ATXN1: variants seen among roughly 807,000 people sequenced by gnomAD.
The protein encoded by ATXN1 is ataxin-1.
In ATXN1, 8 loss-of-function variants were observed where a neutral mutation model predicts 56.4. The ratio of observed to expected loss-of-function variants is 0.14; its 90% CI spans 0.08 to 0.26. ATXN1 has a LOEUF of 0.26. Ranked by LOEUF, ATXN1 falls within the 10% of genes least tolerant of loss-of-function variation. The pLI, the probability that ATXN1 is intolerant of heterozygous loss-of-function variation, is 1.00. For missense variants in ATXN1, 987 were observed against 1,106.5 expected, an observed-to-expected ratio of 0.89 and a Z score of 1.53; for synonymous variants, 514 against 494.6, an observed-to-expected ratio of 1.04 and a Z score of -0.52.
chr6:16,306,966 C>A lies in ATXN1; in HGVS notation c.1918-107G>T. 1 of 1,283,674 alleles carries A rather than the reference C, an allele frequency of 7.8e-7. No individual in the cohort carries two copies. 79.5% of individuals were successfully genotyped at this position (1,283,674 alleles called of 1,614,324 possible). ...ACACACAGGTATGAACTCACACAGA[C>A]ACACACAGGCTGAATGGGGGAAAAT... On this transcript the variant is annotated intron_variant, in intron 7 of 7. Coordinates refer to ENST00000436367, the MANE Select transcript of ATXN1 (RefSeq NM_001128164.2). This position sits in a 1 kb window ranked among gnomAD's most constrained non-coding sequence, Gnocchi z 5.2.
chr6:16,608,863 G>C (rs1763056488), intron 3 of ATXN1, among the ~76,000 whole-genome samples: 1 of 152,182 alleles, frequency 6.6e-6, no homozygotes, highest in Admixed American at 6.5e-5. Context: ...TCATTATTTA[G>C]AGAACTCCAT....
At chr6:16,576,333 G>A (rs956330239) in intron 4 of ATXN1, among the ~76,000 whole-genome samples, 1 of 152,064 alleles carries the variant, frequency 6.6e-6, no homozygotes, top group Non-Finnish European at 1.5e-5. Flanking sequence ...ATGTCCTCAG[G>A]AATAATAAAC....
chr6:16,380,477 CTT>C (rs112477802), intron 6 of ATXN1, among the ~76,000 whole-genome samples: 3 of 142,866 alleles, frequency 2.1e-5, no homozygotes, highest in Non-Finnish European at 1.5e-5. Flanking sequence ...ATCCATGTGA[CTT>C]TTTTTTTTTT....
Position 16,327,410 on chromosome 6 carries a change from C to G in ATXN1, c.901G>C (p.Val301Leu), listed in dbSNP as rs1274047451. ...MQYADSGSHF[V>L]PREATKKAES... ...GCTTTCTTGGTGGCCTCCCGAGGGA[C>G]AAAGTGGCTGCCGGAGTCGGCGTAT... The change falls in exon 7 of 8, where the codon GTC (valine) becomes CTC (leucine). Residue 301 changes from valine (V) to leucine (L), a missense_variant. Transcript: ENST00000436367. 1 of 1,613,734 alleles carries G rather than the reference C, an allele frequency of 6.2e-7. No individual in the cohort carries two copies. The highest frequency in any genetic ancestry group is 1.7e-5 in the Admixed American group (1 of 60,024).
At chr6:16,755,034 T>G (rs568797795) in intron 1 of ATXN1, among the ~76,000 whole-genome samples, 2 of 152,152 alleles carry the variant, frequency 1.3e-5, no homozygotes. Context: ...AGCTCACCAG[T>G]TGGGAGAGTG....
At chr6:16,372,299 T>C (rs1377164115) in intron 6 of ATXN1, among the ~76,000 whole-genome samples, 2 of 151,702 alleles carry the variant, frequency 1.3e-5, no homozygotes, top group Non-Finnish European at 2.9e-5. Flanking sequence ...AAAGGGAAAT[T>C]AAAAGAAGCC....
chr6:16,561,841 T>C (rs540968289), intron 4 of ATXN1, among the ~76,000 whole-genome samples: 5 of 152,216 alleles, frequency 3.3e-5, no homozygotes, highest in African/African-American at 7.2e-5. Flanking sequence ...GGAACATGTA[T>C]ATAATTATGG....
At chr6:16,562,041 T>C (rs1002788842) in intron 4 of ATXN1, among the ~76,000 whole-genome samples, 3 of 151,712 alleles carry the variant, frequency 2.0e-5, no homozygotes, top group Non-Finnish European at 2.9e-5. Context: ...ATCAGAGCAG[T>C]AGAGGGTAAG....
At chr6:16,537,473 G>A (rs1258900414) in intron 4 of ATXN1, among the ~76,000 whole-genome samples, 5 of 151,990 alleles carry the variant, frequency 3.3e-5, no homozygotes, top group Non-Finnish European at 7.4e-5. Flanking sequence ...GGGAGGCTGG[G>A]GCAGATGGAT....
chr6:16,467,884 T>C (rs759550594), intron 6 of ATXN1, among the ~76,000 whole-genome samples: 1 of 152,230 alleles, frequency 6.6e-6, no homozygotes, highest in Non-Finnish European at 1.5e-5. Context: ...CAAAAGATTG[T>C]CTGAAGATTC....
chr6:16,582,275 G>A (rs761583528), intron 4 of ATXN1, among the ~76,000 whole-genome samples: 6 of 152,156 alleles, frequency 3.9e-5, no homozygotes, highest in Non-Finnish European at 8.8e-5. Context: ...AGTTATGATG[G>A]TGTTGACTGT....
chr6:16,575,722 C>T (rs555962103), intron 4 of ATXN1, among the ~76,000 whole-genome samples: 7 of 152,238 alleles, frequency 4.6e-5, no homozygotes, highest in Middle Eastern at 3.4e-3. Context: ...TTAGAAGAGA[C>T]CTACAGGCAC....
intron 4 of ATXN1, among the ~76,000 whole-genome samples, chr6:16,523,583 T>C (rs975112963): frequency 6.6e-6 from 1 of 152,182 alleles, no homozygotes; most frequent in Non-Finnish European, 1.5e-5. Context: ...GAAGTCTTAA[T>C]AAATAACCAA....
intron 6 of ATXN1, among the ~76,000 whole-genome samples, chr6:16,474,588 TA>T (rs1391526399): frequency 6.6e-6 from 1 of 152,204 alleles, no homozygotes; most frequent in Non-Finnish European, 1.5e-5. Context: ...TGTTACACAG[TA>T]TATGCTAACT....
intron 6 of ATXN1, among the ~76,000 whole-genome samples, chr6:16,381,551 C>T (rs1758115576): frequency 6.6e-6 from 1 of 152,322 alleles, no homozygotes; most frequent in Middle Eastern, 3.4e-3. Flanking sequence ...ATATTACAGG[C>T]ATATAATGCC....
intron 2 of ATXN1, among the ~76,000 whole-genome samples, chr6:16,731,474 T>C (rs1759983324): frequency 8.2e-6 from 1 of 121,974 alleles, no homozygotes; most frequent in African/African-American, 4.0e-5. Context: ...TTTTTTTTTT[T>C]TTTTTTTTTA....
chr6:16,542,551 G>T (rs1395869527), intron 4 of ATXN1, among the ~76,000 whole-genome samples: 1 of 152,108 alleles, frequency 6.6e-6, no homozygotes, highest in African/African-American at 2.4e-5. Context: ...CTCTCTAGAG[G>T]GAAAGTATGT....
At chr6:16,603,868 T>C (rs1271747917) in intron 3 of ATXN1, among the ~76,000 whole-genome samples, 1 of 151,970 alleles carries the variant, frequency 6.6e-6, no homozygotes, top group Admixed American at 6.5e-5. Flanking sequence ...GACGAAGGCA[T>C]TGTGCAGCAC....
chr6:16,733,167 T>G (rs995197611), intron 2 of ATXN1, among the ~76,000 whole-genome samples: 1 of 152,214 alleles, frequency 6.6e-6, no homozygotes, highest in African/African-American at 2.4e-5. Context: ...CAAGGTTACA[T>G]TATCTTAACA....
Sources: gnomAD v4.1 joint callset for allele counts (sites outside exome capture counted in the v4.1 genomes callset) on GRCh38, gnomAD v4.1.1 for gene constraint, Gnocchi (gnomAD v3.1) non-coding constraint, MANE v1.5 for transcripts, NCBI Gene and HGNC (gene_info 2026-07-23, HGNC 2026-07-21) for gene names.